The following PFAS variants were observed in gnomAD, a reference collection of about 807,000 sequenced individuals.
PFAS encodes the protein phosphoribosylformylglycinamidine synthase, also known as FGAM synthase.
In PFAS, 97 loss-of-function variants were observed where a neutral mutation model predicts 140.6. The observed-to-expected ratio is 0.69, with a 90% CI of 0.59 to 0.82. PFAS has a LOEUF of 0.82. PFAS is among the 40% of genes least tolerant of loss of function. The pLI, the probability that PFAS is intolerant of heterozygous loss-of-function variation, is 0.00. For missense variants in PFAS, 1,656 were observed against 1,780.2 expected (o/e 0.93, Z 1.26); for synonymous variants, 679 against 718.8 (o/e 0.94, Z 0.88).
chr17:8,257,776 G>T (rs1490850225), intron 9 of PFAS, 31 bp from the exon 10 acceptor site: 21 of 1,612,578 alleles, frequency 1.3e-5, no homozygotes, highest in Non-Finnish European at 1.7e-5. Flanking sequence ...AGTTCATTCA[G>T]TTCATCCAGT....
rs984353960 is a variant in PFAS at position 8,266,840 on chromosome 17, A to G, written c.2909A>G (p.Asp970Gly). The G allele has an allele frequency of 8.1e-6, 13 of 1,610,686 alleles. No homozygotes were observed. The highest frequency in any genetic ancestry group is 1.1e-5 in the Non-Finnish European group (13 of 1,179,836). The change falls in exon 23 of 28, where the codon GAT becomes GGT. Residue 970 changes from aspartate to glycine, a missense_variant. Around this residue, in one of 2 missense-constraint regions of PFAS, gnomAD observed 883 missense variants for 1,023.0 expected, o/e 0.86. Coordinates refer to ENST00000314666, the MANE Select transcript of PFAS (RefSeq NM_012393.3). This position sits in a 1 kb window ranked among gnomAD's most constrained non-coding sequence, Gnocchi z 5.0. ...GCCCAGGTGCTGAAGCGTTACCGGG[A>G]TGCTGGCCTCCATTGCCTGGAGCTG... ...DLAQVLKRYR[D>G]AGLHCLELGH...
intron 11 of PFAS, among the ~76,000 whole-genome samples, chr17:8,261,885 A>G (rs900897016): frequency 1.3e-5 from 2 of 151,420 alleles, no homozygotes; most frequent in African/African-American, 4.8e-5. Flanking sequence ...TGCTGGGAGT[A>G]TGGGTGAGTT....
intron 1 of PFAS, 79 bp from the exon 2 acceptor site, chr17:8,253,780 C>G (rs1989249832): frequency 2.0e-6 from 2 of 1,021,712 alleles, no homozygotes; most frequent in Non-Finnish European, 2.7e-6. Context: ...CTCAGGCAAT[C>G]CACCTGCCTC....
Position 8,252,105 on chromosome 17 carries a change from C to A in PFAS, c.-79-1754C>A, listed in dbSNP as rs541104911. Among the ~76,000 whole-genome samples the A allele has an allele frequency of 4.0e-5, 6 of 151,646 alleles. No homozygotes were observed. The East Asian group carries it at 1.2e-3, about 30-fold the overall frequency. On this transcript the variant is annotated intron_variant, in intron 1 of 27. Coordinates refer to ENST00000314666, the MANE Select transcript of PFAS (RefSeq NM_012393.3). ...GGTCAGGAGTTGGAGACCAGCCTGG[C>A]GAACATAGGGAAACCCCGTCTCTAC...
In PFAS at chr17:8,266,728, CT is replaced by C; in HGVS notation, c.2822-24del. On this transcript the variant is annotated intron_variant, in intron 22 of 27. Coordinates refer to ENST00000314666, the MANE Select transcript of PFAS (RefSeq NM_012393.3). This position sits in a 1 kb window ranked among gnomAD's most constrained non-coding sequence, Gnocchi z 5.0. ...CTCCCTTGGCCCTTCTTGCATCCCC[CT>C]GACTCCCCACATTGCTCTCCCAGTC... The C allele has an allele frequency of 6.3e-7, 1 of 1,579,626 alleles. No homozygotes were observed. Among genetic ancestry groups the C allele is most frequent in the African/African-American group, 1.3e-5 (1 of 74,224 alleles).
chr17:8,255,789 T>C lies in PFAS; in HGVS notation c.575-16T>C. On this transcript the variant is annotated splice_polypyrimidine_tract_variant and intron_variant, in intron 5 of 27. Coordinates refer to ENST00000314666, the MANE Select transcript of PFAS (RefSeq NM_012393.3). ...CCTGAGTTCCATAGTCACCTCTTCC[T>C]GGATTTGTCTCCTAGGTCTGGCTTT... is the stretch of plus-strand genomic sequence containing the variant. The C allele has an allele frequency of 6.2e-7, 1 of 1,610,968 alleles. No homozygotes were observed. Among genetic ancestry groups the C allele is most frequent in the Non-Finnish European group, 8.5e-7 (1 of 1,177,156 alleles).
rs1177744519 is a variant in PFAS at position 8,269,315 on chromosome 17, C to T, written c.*51C>T. On this transcript the variant is annotated 3_prime_UTR_variant, in exon 28 of 28. Coordinates refer to ENST00000314666, the MANE Select transcript of PFAS (RefSeq NM_012393.3). ...CCATGGCTTTTCACCTAAGTGGGTC[C>T]TGCCCCCTCCCCCATGACCTTCAGG... The T allele has an allele frequency of 7.7e-7, 1 of 1,304,426 alleles. No individual in the cohort carries two copies. The highest frequency in any genetic ancestry group is 1.1e-6 in the Non-Finnish European group (1 of 934,334). 80.8% of individuals were successfully genotyped at this position (1,304,426 alleles called of 1,614,324 possible).
chr17:8,249,288 C>G (rs1315010898), upstream of PFAS: 9 of 152,186 alleles, frequency 5.9e-5, no homozygotes, highest in Non-Finnish European at 1.0e-4. Flanking sequence ...GATGACGTAA[C>G]AAACGCGCGC....
At position 8,254,058 on chromosome 17, in the gene PFAS, T is replaced by C. The variant is rs1481696833; in HGVS notation, c.121T>C (p.Cys41Arg). 6.2e-7 allele frequency: 1 copy of C among 1,614,158 alleles called. No individual in the cohort carries two copies. Among genetic ancestry groups the C allele is most frequent in the East Asian group, 2.2e-5 (1 of 44,882 alleles). ...GCTGCAGGGCGTCGAGACTGAACTG[T>C]GCTACAACGTGAACTGGACAGGTTG... ...PELQGVETEL[C>R]YNVNWTAEAL... The change falls in exon 2 of 28, where the codon TGC becomes CGC. Residue 41 changes from cysteine (C) to arginine (R), a missense_variant. Physicochemically the swap from Cys to Arg is radical, Grantham distance 180 (BLOSUM62 -3). Coordinates refer to ENST00000314666, the MANE Select transcript of PFAS (RefSeq NM_012393.3).
chr17:8,254,122 C>A, intron 2 of PFAS, 43 bp downstream of exon 2: 1 of 1,613,898 alleles, frequency 6.2e-7, no homozygotes, highest in Non-Finnish European at 8.5e-7. Context: ...TGCCTCGGTG[C>A]TGGGGGCAGT....
At chr17:8,251,141 C>G (rs1455959523) in intron 1 of PFAS, among the ~76,000 whole-genome samples, 3 of 152,082 alleles carry the variant, frequency 2.0e-5, no homozygotes, top group Non-Finnish European at 4.4e-5. Context: ...CAAAAATTAG[C>G]TGGTCATGGT....
In PFAS at chr17:8,257,879, T is replaced by C. The variant is rs201672276; in HGVS notation, c.1148T>C (p.Ile383Thr). The change falls in exon 10 of 28, where the codon ATT becomes ACT. Residue 383 changes from isoleucine (I) to threonine (T), a missense_variant. Physicochemically the swap from Ile to Thr is moderately conservative, Grantham distance 89. Transcript: ENST00000314666. ...TTTGCCCGGCCCCTGGAGGTTGCCA[T>C]TGAAGCCAGTAATGGAGCTTCTGAC... ...GNFARPLEVAIEASNGASDYG... is the reference protein window; with the variant it reads ...GNFARPLEVATEASNGASDYG... 1.5e-4 allele frequency: 237 copies of C among 1,614,160 alleles called. No homozygotes were observed. The highest frequency in any genetic ancestry group is 3.3e-4 in the African/African-American group (25 of 75,034).
At position 8,257,811 on chromosome 17, in the gene PFAS, C is replaced by T. The variant is rs1368035367; in HGVS notation, c.1080C>T (p.Tyr360=). The change falls in exon 10 of 28, where the codon TAC becomes TAT. Residue 360 remains tyrosine, a synonymous_variant. Coordinates refer to ENST00000314666, the MANE Select transcript of PFAS (RefSeq NM_012393.3). ...TTCTCTCTCCTTCCCTCCCAGGTTA[C>T]AATCTGCCCTGGGAGGATCCAAGCT... The part of the protein sequence containing the change: ...YCFGNLHIPG[Y]NLPWEDPSFQ... 1.2e-6 allele frequency: 2 copies of T among 1,613,834 alleles called. No individual in the cohort carries two copies. The highest frequency in any genetic ancestry group is 1.7e-6 in the Non-Finnish European group (2 of 1,179,722).
At chr17:8,268,884 G>T (rs1989932254) in intron 27 of PFAS, 28 bp downstream of exon 27, 1 of 1,611,756 alleles carries the variant, frequency 6.2e-7, no homozygotes, top group Admixed American at 1.7e-5. Flanking sequence ...CTGGGGGAGG[G>T]CCCGAGGGTT....
Position 8,266,149 on chromosome 17 carries a change from C to A in PFAS, c.2702-85C>A. Reference sequence around the variant, plus strand: ...AGATCCCCTGACATTCTGACACACACTCTTGATGGACTGACTCCGGAAGGT... The same window carrying A: ...AGATCCCCTGACATTCTGACACACAATCTTGATGGACTGACTCCGGAAGGT... On this transcript the variant is annotated intron_variant, in intron 21 of 27. Coordinates refer to ENST00000314666, the MANE Select transcript of PFAS (RefSeq NM_012393.3). The surrounding 1 kb of genome is among the most constrained non-coding windows in gnomAD (Gnocchi z 5.0). 1 of 1,579,056 alleles carries A rather than the reference C, an allele frequency of 6.3e-7. No homozygotes were observed. The highest frequency in any genetic ancestry group is 8.6e-7 in the Non-Finnish European group (1 of 1,158,814).
rs376361996 is a variant in PFAS at position 8,256,819 on chromosome 17, C to T, written c.947-16C>T. 9.3e-5 allele frequency: 148 copies of T among 1,585,622 alleles called. No individual in the cohort carries two copies. The highest frequency in any genetic ancestry group is 5.6e-4 in the African/African-American group (42 of 74,436). ...TCTCTGAGGCACCCAGACCTCTCCC[C>T]ACTCTCTCTTTGCAGGAGTATGCCC... On this transcript the variant is annotated splice_polypyrimidine_tract_variant and intron_variant, in intron 8 of 27. Coordinates refer to ENST00000314666, the MANE Select transcript of PFAS (RefSeq NM_012393.3).
At chr17:8,268,441 A>C in intron 26 of PFAS, 92 bp from the exon 27 acceptor site, 2 of 839,690 alleles carry the variant, frequency 2.4e-6, no homozygotes. Context: ...GAAAGAAAAA[A>C]GAAAAGAAAC....
chr17:8,252,841 C>T (rs539379389), intron 1 of PFAS, among the ~76,000 whole-genome samples: 6 of 152,020 alleles, frequency 3.9e-5, no homozygotes, highest in Admixed American at 6.6e-5. Context: ...AGGTTGGTCT[C>T]GAACGCCTGT....
intron 1 of PFAS, among the ~76,000 whole-genome samples, chr17:8,251,098 G>A (rs930569948): frequency 2.0e-5 from 3 of 152,030 alleles, no homozygotes; most frequent in Middle Eastern, 3.4e-3. Flanking sequence ...CCATCCTGGC[G>A]AACATGGTGA....
Sources: gnomAD v4.1 joint callset for allele counts (sites outside exome capture counted in the v4.1 genomes callset) on GRCh38, gnomAD v4.1.1 for gene constraint, gnomAD v4.1.1 regional missense constraint, Gnocchi (gnomAD v3.1) non-coding constraint, MANE v1.5 for transcripts, NCBI Gene and HGNC (gene_info 2026-07-23, HGNC 2026-07-21) for gene names.